Variants in CUL5 observed in about 807,000 individuals in gnomAD.
CUL5 encodes cullin-5.
A neutral mutation model predicts 108.8 loss-of-function variants in CUL5; 26 were observed. The observed-to-expected ratio is 0.24, with a 90% confidence interval of 0.18 to 0.33. The LOEUF is 0.33. Among genes scored for constraint, CUL5 ranks in the 10% least tolerant of loss-of-function variants. The probability of loss-of-function intolerance (pLI) is 1.00; values close to 1 mark genes in which losing one functional copy is unlikely to be tolerated. For synonymous variants in CUL5, 334 were observed against 298.0 expected, an observed-to-expected ratio of 1.12 and a Z score of -1.25; for missense variants, 524 against 909.2, an observed-to-expected ratio of 0.58 and a Z score of 5.45.
At chr11:108,081,949 C>T (rs1864098213) in intron 11 of CUL5, among the ~76,000 whole-genome samples, 1 of 152,172 alleles carries the variant, frequency 6.6e-6, no homozygotes, top group South Asian at 2.1e-4. Flanking sequence ...TTTGGGTTCC[C>T]TTCTAATTCC....
chr11:108,066,903 A>G (rs1279229140), intron 7 of CUL5, among the ~76,000 whole-genome samples: 2 of 152,192 alleles, frequency 1.3e-5, no homozygotes, highest in South Asian at 2.1e-4. Context: ...TGGGTTTCCA[A>G]CTGGATTGTA....
chr11:108,048,641 C>T (rs1033725285), intron 3 of CUL5, among the ~76,000 whole-genome samples: 1 of 128,684 alleles, frequency 7.8e-6, no homozygotes, highest in African/African-American at 3.0e-5. Context: ...GAAATAGACT[C>T]CACCACCTTT....
chr11:108,040,611 CAA>C (rs71047667), intron 2 of CUL5, among the ~76,000 whole-genome samples: 11 of 112,686 alleles, frequency 9.8e-5, no homozygotes, highest in African/African-American at 3.6e-4. Flanking sequence ...GACTCCGTCT[CAA>C]AAAAAAAAAA....
In CUL5 at chr11:108,106,930, T is replaced by C. The variant is rs1864817907; in HGVS notation, c.*2546T>C. ...TAACCTCTGAATACCCATCTTCTAG[T>C]TTAAAGACAGAGACATCCCATCTGG... On this transcript the variant is annotated 3_prime_UTR_variant, in exon 19 of 19. Coordinates refer to ENST00000393094, the MANE Select transcript of CUL5 (RefSeq NM_003478.6). 1 of 150,770 alleles carries C rather than the reference T, an allele frequency of 6.6e-6. No individual in the cohort carries two copies. Among genetic ancestry groups the C allele is most frequent in the South Asian group, 2.1e-4 (1 of 4,768 alleles). The allele number at this position is 150,770 out of a possible 1,614,324, so 9.3% of individuals were successfully genotyped here.
intron 7 of CUL5, among the ~76,000 whole-genome samples, chr11:108,066,033 C>T (rs774131781): frequency 1.8e-4 from 27 of 152,066 alleles, no homozygotes; most frequent in Non-Finnish European, 2.8e-4. Context: ...TATTGTTTTA[C>T]TTTTCTATTC....
intron 1 of CUL5, among the ~76,000 whole-genome samples, chr11:108,029,765 AAGG>A (rs1862532290): frequency 6.6e-6 from 1 of 152,228 alleles, no homozygotes; most frequent in Non-Finnish European, 1.5e-5. Flanking sequence ...TTCCATCAAA[AAGG>A]AGAGCAAAAA....
chr11:108,057,697 A>C (rs1159583963), intron 7 of CUL5, among the ~76,000 whole-genome samples: 2 of 152,208 alleles, frequency 1.3e-5, no homozygotes, highest in Non-Finnish European at 2.9e-5. Flanking sequence ...ACTATATGCA[A>C]CATGGGCTTG....
chr11:108,054,458 T>TA (rs1452898635), intron 5 of CUL5, among the ~76,000 whole-genome samples, 189 bp from the exon 6 acceptor site: 1 of 152,244 alleles, frequency 6.6e-6, no homozygotes, highest in East Asian at 1.9e-4. Context: ...ATTTATTTGT[T>TA]ACTTTACTGC....
rs974941307 is a variant in CUL5 at position 108,008,988 on chromosome 11, C to T, written c.-361C>T. ...CTAAATTCGTTGCAGGTGGCCGCGG[C>T]GGGTGCAACCACAAAGGCTAATCCG... On this transcript the variant is annotated 5_prime_UTR_variant, in exon 1 of 19. Transcript: ENST00000393094. 3.7e-6 allele frequency: 1 copy of T among 267,754 alleles called. No homozygotes were observed. The highest frequency in any genetic ancestry group is 7.0e-6 in the Non-Finnish European group (1 of 142,192). The allele number at this position is 267,754 out of a possible 1,614,324, so 16.6% of individuals were successfully genotyped here.
At chr11:108,018,769 TAAG>T (rs772850189) in intron 1 of CUL5, among the ~76,000 whole-genome samples, 2 of 152,174 alleles carry the variant, frequency 1.3e-5, no homozygotes, top group South Asian at 2.1e-4. Context: ...TTTGTTGAGA[TAAG>T]AAAGATTTTA....
chr11:108,043,244 A>G (rs557903137), intron 2 of CUL5, among the ~76,000 whole-genome samples: 113 of 152,154 alleles, frequency 7.4e-4, no homozygotes, highest in African/African-American at 2.6e-3. Flanking sequence ...TAATTATTTT[A>G]TTTTATTTTT....
chr11:108,061,750 T>G (rs570387851), intron 7 of CUL5, among the ~76,000 whole-genome samples: 3 of 152,170 alleles, frequency 2.0e-5, no homozygotes, highest in Non-Finnish European at 4.4e-5. Context: ...TTCACACTGC[T>G]ATAAAGATAA....
chr11:108,025,772 A>G (rs917350122), intron 1 of CUL5, among the ~76,000 whole-genome samples: 1 of 152,102 alleles, frequency 6.6e-6, no homozygotes, highest in African/African-American at 2.4e-5. Flanking sequence ...AGATACCCAG[A>G]GCTCCCTTGA....
At chr11:108,062,470 A>C (rs1376055032) in intron 7 of CUL5, among the ~76,000 whole-genome samples, 1 of 151,094 alleles carries the variant, frequency 6.6e-6, no homozygotes, top group East Asian at 1.9e-4. Flanking sequence ...ATAGATTTTA[A>C]AATATTTTTT....
intron 1 of CUL5, among the ~76,000 whole-genome samples, chr11:108,010,484 T>A (rs1259962072): frequency 6.6e-6 from 1 of 152,210 alleles, no homozygotes; most frequent in Non-Finnish European, 1.5e-5. Flanking sequence ...TATCACCTTT[T>A]AAAAGGGAGA....
chr11:108,085,446 G>A (rs1300979121), intron 11 of CUL5, among the ~76,000 whole-genome samples: 1 of 152,086 alleles, frequency 6.6e-6, no homozygotes, highest in Non-Finnish European at 1.5e-5. Context: ...GGAAGTTACT[G>A]TTCCATGTAT....
intron 7 of CUL5, among the ~76,000 whole-genome samples, chr11:108,066,840 T>C (rs1226925320): frequency 6.6e-6 from 1 of 152,236 alleles, no homozygotes; most frequent in Non-Finnish European, 1.5e-5. Context: ...GATCTTCTTT[T>C]CATACACATC....
At position 108,054,720 on chromosome 11, in the gene CUL5, A is replaced by T; in HGVS notation, c.627A>T (p.Ser209=). The part of the protein sequence containing the change: ...RDNFEKAYLD[S]TERFYRTQAP... The stretch of plus-strand genomic sequence containing the variant: ...ATTTTGAGAAGGCATACTTGGATTC[A>T]ACAGAGAGATTTTATAGAACACAAG... Residue 209 remains serine (S), a synonymous_variant, in exon 6 of 19, where the codon TCA becomes TCT. Coordinates refer to ENST00000393094, the MANE Select transcript of CUL5 (RefSeq NM_003478.6). The T allele has an allele frequency of 7.4e-6, 12 of 1,610,768 alleles. No individual in the cohort carries two copies. The highest frequency in any genetic ancestry group is 7.6e-6 in the Non-Finnish European group (9 of 1,177,366).
chr11:108,080,630 G>A (rs1384973291), intron 11 of CUL5, among the ~76,000 whole-genome samples: 7 of 152,076 alleles, frequency 4.6e-5, no homozygotes, highest in African/African-American at 1.4e-4. Flanking sequence ...TCTTGACCTC[G>A]TGATTTGCCC....
Sources: allele counts gnomAD v4.1 joint callset (sites outside exome capture counted in the v4.1 genomes callset), GRCh38; gene constraint gnomAD v4.1.1; transcripts MANE v1.5; gene names NCBI Gene and HGNC (gene_info 2026-07-23, HGNC 2026-07-21).